LUZP2: variants seen among roughly 807,000 people sequenced by gnomAD.
LUZP2 encodes leucine zipper protein 2.
Under a neutral mutation model 51.6 loss-of-function variants are expected in LUZP2, and 52 were observed. The observed-to-expected ratio is 1.01, with a 90% confidence interval of 0.81 to 1.27. LUZP2 has a LOEUF of 1.27. LUZP2 is among the 50% of genes most tolerant of loss of function. LUZP2 has a pLI of 0.00. For missense variants in LUZP2, 436 were observed against 395.4 expected, an observed-to-expected ratio of 1.10 and a Z score of -0.87; for synonymous variants, 154 against 137.3, an observed-to-expected ratio of 1.12 and a Z score of -0.85.
At chr11:24,561,053 C>G (rs1251778394) in intron 1 of LUZP2, among the ~76,000 whole-genome samples, 1 of 152,154 alleles carries the variant, frequency 6.6e-6, no homozygotes, top group African/African-American at 2.4e-5. Flanking sequence ...AGGAAATACA[C>G]TCACTTCAAA....
intron 1 of LUZP2, among the ~76,000 whole-genome samples, chr11:24,620,961 C>T (rs1854475053): frequency 6.6e-6 from 1 of 152,122 alleles, no homozygotes; most frequent in South Asian, 2.1e-4. Flanking sequence ...GTTGATCCTC[C>T]CTGGGCAACT....
At chr11:24,786,519 ATTTG>A in intron 5 of LUZP2, 5 of 865,574 alleles carry the variant, frequency 5.8e-6, no homozygotes, top group Non-Finnish European at 6.9e-6. Flanking sequence ...ATATGTGTAT[ATTTG>A]TATATACACA....
At chr11:24,826,190 A>AAAAAAATTAT (rs1215786412) in intron 5 of LUZP2, among the ~76,000 whole-genome samples, 1 of 67,536 alleles carries the variant, frequency 1.5e-5, no homozygotes, top group Non-Finnish European at 2.6e-5. Flanking sequence ...AAAAAAAAAA[A>AAAAAAATTAT]ATATATATAT....
At chr11:24,977,075 A>C (rs1414044149) in intron 8 of LUZP2, among the ~76,000 whole-genome samples, 1 of 151,808 alleles carries the variant, frequency 6.6e-6, no homozygotes, top group Non-Finnish European at 1.5e-5. Flanking sequence ...TGTATCTTAT[A>C]ATTTATACTT....
At chr11:24,896,751 G>A (rs1853075063) in intron 5 of LUZP2, among the ~76,000 whole-genome samples, 3 of 152,360 alleles carry the variant, frequency 2.0e-5, no homozygotes, top group Admixed American at 1.3e-4. Flanking sequence ...GGGGAAGCCA[G>A]CTGGGCTCTT....
chr11:24,806,204 G>A (rs972246051), intron 5 of LUZP2, among the ~76,000 whole-genome samples: 5 of 152,172 alleles, frequency 3.3e-5, no homozygotes, highest in African/African-American at 9.7e-5. Flanking sequence ...TAGCTTCAGG[G>A]TAGGAACATA....
At chr11:24,768,954 T>G (rs1860297098) in intron 5 of LUZP2, among the ~76,000 whole-genome samples, 1 of 152,240 alleles carries the variant, frequency 6.6e-6, no homozygotes, top group African/African-American at 2.4e-5. Context: ...CACTCATGTT[T>G]ATTGCAGCAC....
intron 1 of LUZP2, among the ~76,000 whole-genome samples, chr11:24,667,727 A>G (rs1163083809): frequency 1.3e-5 from 2 of 152,206 alleles, no homozygotes; most frequent in Non-Finnish European, 1.5e-5. Context: ...AGTCAAAAAT[A>G]TAAAATATAC....
chr11:24,941,768 A>C (rs996680646), intron 7 of LUZP2, among the ~76,000 whole-genome samples: 1 of 152,154 alleles, frequency 6.6e-6, no homozygotes, highest in Admixed American at 6.5e-5. Flanking sequence ...ATTGTCAGCT[A>C]TAAGTATAAT....
chr11:24,801,614 G>A (rs1334306307), intron 5 of LUZP2, among the ~76,000 whole-genome samples: 2 of 151,562 alleles, frequency 1.3e-5, no homozygotes, highest in Admixed American at 1.3e-4. Flanking sequence ...GCTTCACTAA[G>A]GAGATTCGGA....
chr11:24,520,783 T>A (rs61875599), intron 1 of LUZP2, among the ~76,000 whole-genome samples: 1 of 152,166 alleles, frequency 6.6e-6, no homozygotes, highest in Non-Finnish European at 1.5e-5. Context: ...TTTTTGTCAG[T>A]GCAAAGCAGG....
intron 1 of LUZP2, among the ~76,000 whole-genome samples, chr11:24,548,644 T>A (rs1387384704): frequency 6.6e-6 from 1 of 151,926 alleles, no homozygotes; most frequent in Non-Finnish European, 1.5e-5. Flanking sequence ...AGTGTCAAAC[T>A]CCAGTGACAC....
intron 9 of LUZP2, among the ~76,000 whole-genome samples, chr11:25,008,799 G>A (rs575518163): frequency 6.6e-6 from 1 of 152,116 alleles, no homozygotes; most frequent in Non-Finnish European, 1.5e-5. Context: ...GGCCCAATGT[G>A]TGACTGAGTC....
chr11:24,719,006 A>G (rs1034364478), intron 1 of LUZP2, among the ~76,000 whole-genome samples: 6 of 152,218 alleles, frequency 3.9e-5, no homozygotes, highest in Admixed American at 2.6e-4. Flanking sequence ...AGCACAGGGT[A>G]TATAAGAGGA....
intron 8 of LUZP2, among the ~76,000 whole-genome samples, chr11:24,980,197 T>A (rs1446196): frequency 0.39 from 58,534 of 151,496 alleles, 13,025 homozygotes; most frequent in East Asian, 0.71. Context: ...ATGAAAAACA[T>A]CTTGTAAAGT....
chr11:25,056,218 TA>T (rs1234393904), intron 10 of LUZP2, among the ~76,000 whole-genome samples: 1 of 152,062 alleles, frequency 6.6e-6, no homozygotes, highest in African/African-American at 2.4e-5. Flanking sequence ...TAGTCAAATA[TA>T]AAAATGAACT....
intron 1 of LUZP2, among the ~76,000 whole-genome samples, chr11:24,654,397 TTTTTC>T (rs1855732656): frequency 6.6e-6 from 1 of 152,152 alleles, no homozygotes; most frequent in South Asian, 2.1e-4. Flanking sequence ...TTTTTTTTCT[TTTTTC>T]TTTTGTTTTG....
chr11:24,629,666 G>C (rs1345514023), intron 1 of LUZP2, among the ~76,000 whole-genome samples: 1 of 151,128 alleles, frequency 6.6e-6, no homozygotes, highest in African/African-American at 2.4e-5. Context: ...AAAAGTGCAA[G>C]TGTCTTTTTG....
At chr11:24,954,099 C>A (rs1427021472) in intron 7 of LUZP2, among the ~76,000 whole-genome samples, 1 of 151,780 alleles carries the variant, frequency 6.6e-6, no homozygotes, top group Non-Finnish European at 1.5e-5. Flanking sequence ...TGTTACAGCA[C>A]AATGGCTTTG....
Sources: gnomAD v4.1 joint callset for allele counts (sites outside exome capture counted in the v4.1 genomes callset) on GRCh38, gnomAD v4.1.1 for gene constraint, MANE v1.5 for transcripts, NCBI Gene and HGNC (gene_info 2026-07-23, HGNC 2026-07-21) for gene names.